MFSD6: variants seen among roughly 807,000 people sequenced by gnomAD.
MFSD6 encodes major facilitator superfamily domain-containing protein 6.
Under a neutral mutation model 56.3 loss-of-function variants are expected in MFSD6, and 26 were observed. The ratio of observed to expected loss-of-function variants is 0.46; its 90% CI spans 0.34 to 0.64. The LOEUF is 0.64. MFSD6 is among the 30% of genes least tolerant of loss of function. The pLI, the probability that MFSD6 is intolerant of heterozygous loss-of-function variation, is 0.01. For synonymous variants in MFSD6, 331 were observed against 366.9 expected (o/e 0.90, Z 1.12); for missense variants, 750 against 986.2 (o/e 0.76, Z 3.21).
chr2:190,499,797 T>C lies in MFSD6; in HGVS notation c.2173-218T>C, dbSNP rs1689928466. ...TCCTTTTTCCACAAGACACGTCTGC[T>C]TATAGTGTTTGTGTTTTTCATGCGG... On this transcript the variant is annotated intron_variant, in intron 7 of 7. Transcript: ENST00000392328. This position sits in a 1 kb window ranked among gnomAD's most constrained non-coding sequence, Gnocchi z 6.0. 2 of 1,516,748 alleles carry C rather than the reference T, an allele frequency of 1.3e-6. No homozygotes were observed. The highest frequency in any genetic ancestry group is 1.8e-6 in the Non-Finnish European group (2 of 1,125,456). 94.0% of individuals were successfully genotyped at this position (1,516,748 alleles called of 1,614,324 possible).
chr2:190,477,517 C>A, intron 4 of MFSD6: 1 of 231,518 alleles, frequency 4.3e-6, no homozygotes. Flanking sequence ...ATCCATGAAA[C>A]GGTTAAAGAA....
rs1689449195 is a variant in MFSD6, at chr2:190,492,991, G to C, written c.1891+3125G>C. ...TTAAAAAAAAAAGCAAGGTATATAG[G>C]CAACAAATAACACAATGATTGGAAT... On this transcript the variant is annotated intron_variant, in intron 6 of 7. Coordinates refer to ENST00000392328, the MANE Select transcript of MFSD6 (RefSeq NM_017694.4). The surrounding 1 kb of genome is among the most constrained non-coding windows in gnomAD (Gnocchi z 5.2). Among the ~76,000 whole-genome samples the C allele has an allele frequency of 6.6e-6, 1 of 151,640 alleles. No homozygotes were observed. Among genetic ancestry groups the C allele is most frequent in the African/African-American group, 2.4e-5 (1 of 41,254 alleles).
chr2:190,455,400 A>T (rs1321701131), intron 3 of MFSD6, among the ~76,000 whole-genome samples: 4 of 152,168 alleles, frequency 2.6e-5, no homozygotes, highest in Admixed American at 6.5e-5. Context: ...GAAAGAAAGC[A>T]CCTTCTAAAT....
rs750540997 is a variant in MFSD6 at position 190,437,249 on chromosome 2, A to C, written c.1220A>C (p.Glu407Ala). 6.2e-7 allele frequency: 1 copy of C among 1,614,118 alleles called. No individual in the cohort carries two copies. The highest frequency in any genetic ancestry group is 1.3e-5 in the African/African-American group (1 of 74,932). ...GATGATTCTAAAGGGAAAGAGGTGG[A>C]GATCCCGCAGGTGGAAAGGAACAAC... ...KNDDSKGKEV[E>A]IPQVERNNST... Residue 407 changes from glutamate (E) to alanine (A), a missense_variant, in exon 3 of 8, where the codon GAG becomes GCG. By Grantham distance (107) the Glu-to-Ala change is moderately radical. Coordinates refer to ENST00000392328, the MANE Select transcript of MFSD6 (RefSeq NM_017694.4). The surrounding 1 kb of genome is among the most constrained non-coding windows in gnomAD (Gnocchi z 5.9).
At chr2:190,478,263 A>G (rs1688456936) in intron 4 of MFSD6, among the ~76,000 whole-genome samples, 1 of 152,166 alleles carries the variant, frequency 6.6e-6, no homozygotes, top group Non-Finnish European at 1.5e-5. Context: ...CTGTAAATAC[A>G]GCCTCCTAGT....
At position 190,437,766 on chromosome 2, in the gene MFSD6, A is replaced by G. The variant is rs1686228026; in HGVS notation, c.1532+205A>G. ...GAACCTGGTTGGATTATCTCAAATAAACAAAGAATGGCTTCCTCTGCTCTC... is the reference window on the plus strand; with the variant it reads ...GAACCTGGTTGGATTATCTCAAATAGACAAAGAATGGCTTCCTCTGCTCTC... On this transcript the variant is annotated intron_variant, in intron 3 of 7. Transcript: ENST00000392328. The surrounding 1 kb of genome is among the most constrained non-coding windows in gnomAD (Gnocchi z 5.9). 6.6e-6 allele frequency among the ~76,000 whole-genome samples: 1 copy of G among 152,192 alleles called. No individual in the cohort carries two copies. The highest frequency in any genetic ancestry group is 6.5e-5 in the Admixed American group (1 of 15,274).
chr2:190,490,263 T>TA lies in MFSD6; in HGVS notation c.1891+411dup, dbSNP rs141689643. The stretch of plus-strand genomic sequence containing the variant: ...TTCTCTATGACTTACCTTCATTTGT[T>TA]AAAAAAAAAAAAAACAATGGCCGGG... On this transcript the variant is annotated intron_variant, in intron 6 of 7. Transcript: ENST00000392328. The surrounding 1 kb of genome is among the most constrained non-coding windows in gnomAD (Gnocchi z 4.5). Among the ~76,000 whole-genome samples the TA allele has an allele frequency of 3.7e-3, 538 of 144,016 alleles. 4 individuals carry two copies. Among genetic ancestry groups the TA allele is most frequent in the East Asian group, 0.01 (51 of 4,930 alleles). 94.5% of individuals were successfully genotyped at this position (144,016 alleles called of 152,430 possible).
chr2:190,471,477 G>A lies in MFSD6; in HGVS notation c.1630+1622G>A, dbSNP rs778190968. On this transcript the variant is annotated intron_variant, in intron 4 of 7. Transcript: ENST00000392328. This position sits in a 1 kb window ranked among gnomAD's most constrained non-coding sequence, Gnocchi z 4.7. ...CTGGCTTGGAGGGTCCTACGCCCAC[G>A]GAGCCTCCCTCATTGCTAGCACAGC... is the stretch of plus-strand genomic sequence containing the variant. Among the ~76,000 whole-genome samples the A allele has an allele frequency of 2.0e-5, 3 of 152,176 alleles. No individual in the cohort carries two copies. Among genetic ancestry groups the A allele is most frequent in the Admixed American group, 2.0e-4 (3 of 15,274 alleles).
rs1016207482 is a variant in MFSD6, at chr2:190,498,611, A to G, written c.2172+892A>G. On this transcript the variant is annotated intron_variant, in intron 7 of 7. Coordinates refer to ENST00000392328, the MANE Select transcript of MFSD6 (RefSeq NM_017694.4). This position sits in a 1 kb window ranked among gnomAD's most constrained non-coding sequence, Gnocchi z 5.9. ...AGTCCATGCATGATCCTATTTATTA[A>G]TTTATCAAGATAATAAACTCACATC... Among the ~76,000 whole-genome samples, 4 of 152,054 alleles carry G rather than the reference A, an allele frequency of 2.6e-5. No homozygotes were observed. The highest frequency in any genetic ancestry group is 5.9e-5 in the Non-Finnish European group (4 of 68,030).
chr2:190,419,267 C>T (rs1315527293), intron 2 of MFSD6, among the ~76,000 whole-genome samples: 2 of 152,192 alleles, frequency 1.3e-5, no homozygotes, highest in Admixed American at 1.3e-4. Context: ...TAGATTCTAA[C>T]GCTCTTTTAC....
chr2:190,500,765 A>G lies in MFSD6; in HGVS notation c.*547A>G, dbSNP rs1019885560. 3 of 152,906 alleles carry G rather than the reference A, an allele frequency of 2.0e-5. No homozygotes were observed. The highest frequency in any genetic ancestry group is 4.4e-5 in the Non-Finnish European group (3 of 68,588). 9.5% of individuals were successfully genotyped at this position (152,906 alleles called of 1,614,324 possible). A position where few individuals can be genotyped will look rare whatever the true frequency, so the allele number is the denominator to read the frequency against. On this transcript the variant is annotated 3_prime_UTR_variant, in exon 8 of 8. Coordinates refer to ENST00000392328, the MANE Select transcript of MFSD6 (RefSeq NM_017694.4). The surrounding 1 kb of genome is among the most constrained non-coding windows in gnomAD (Gnocchi z 5.3). ...TTTGTTAAAAATAAAGTTAAAAGTT[A>G]AAGTTAAAAAATGAAGTTAAAAGTT...
rs1201593542 is a variant in MFSD6, at chr2:190,501,050, C to T, written c.*832C>T. 6.6e-6 allele frequency: 1 copy of T among 152,164 alleles called. No individual in the cohort carries two copies. The highest frequency in any genetic ancestry group is 2.4e-5 in the African/African-American group (1 of 41,454). The allele number at this position is 152,164 out of a possible 1,614,324, so 9.4% of individuals were successfully genotyped here. A position where few individuals can be genotyped will look rare whatever the true frequency, so the allele number is the denominator to read the frequency against. Reference sequence around the variant, plus strand: ...TATTGATACTGTAAATAGCCTCTCTCGCTATTTACTATCTTATAGTAATTC... The same window carrying T: ...TATTGATACTGTAAATAGCCTCTCTTGCTATTTACTATCTTATAGTAATTC... On this transcript the variant is annotated 3_prime_UTR_variant, in exon 8 of 8. Transcript: ENST00000392328.
intron 4 of MFSD6, among the ~76,000 whole-genome samples, chr2:190,473,746 C>A (rs965857711): frequency 6.6e-6 from 1 of 152,204 alleles, no homozygotes; most frequent in East Asian, 1.9e-4. Flanking sequence ...GAACTCTCCA[C>A]CCCAAATCAA....
At position 190,454,139 on chromosome 2, in the gene MFSD6, T is replaced by A. The variant is rs1446970951; in HGVS notation, c.1533-15619T>A. On this transcript the variant is annotated intron_variant, in intron 3 of 7. Transcript: ENST00000392328. The surrounding 1 kb of genome is among the most constrained non-coding windows in gnomAD (Gnocchi z 4.6). ...TGTTACAGTAATCTTAGAAAACAGT[T>A]GTTTTATTACATCCATTTTACAATG... 1 of 152,186 alleles carries A rather than the reference T, an allele frequency of 6.6e-6. No homozygotes were observed. The allele number at this position is 152,186 out of a possible 1,614,324, so 9.4% of individuals were successfully genotyped here. A position where few individuals can be genotyped will look rare whatever the true frequency, so the allele number is the denominator to read the frequency against.
chr2:190,502,227 A>C lies in MFSD6; in HGVS notation c.*2009A>C, dbSNP rs1690057713. The stretch of plus-strand genomic sequence containing the variant: ...TCCAGCCTTGTGAGCTGACACCTTC[A>C]TGGGTTTGTGGACTTTGTGACTTTT... On this transcript the variant is annotated 3_prime_UTR_variant, in exon 8 of 8. Transcript: ENST00000392328. The surrounding 1 kb of genome is among the most constrained non-coding windows in gnomAD (Gnocchi z 4.4). 1 of 152,116 alleles carries C rather than the reference A, an allele frequency of 6.6e-6. No homozygotes were observed. Among genetic ancestry groups the C allele is most frequent in the Admixed American group, 6.5e-5 (1 of 15,268 alleles). The allele number at this position is 152,116 out of a possible 1,614,324, so 9.4% of individuals were successfully genotyped here.
At position 190,496,092 on chromosome 2, in the gene MFSD6, C is replaced by T. The variant is rs774403129; in HGVS notation, c.1892-1347C>T. The stretch of plus-strand genomic sequence containing the variant: ...GGAGAAAATCTTCAGTCTATATATC[C>T]GACAAAGGACTAATATCCAGAATCT... On this transcript the variant is annotated intron_variant, in intron 6 of 7. Transcript: ENST00000392328. This position sits in a 1 kb window ranked among gnomAD's most constrained non-coding sequence, Gnocchi z 4.7. Among the ~76,000 whole-genome samples the T allele has an allele frequency of 3.3e-5, 5 of 151,448 alleles. No homozygotes were observed. Among genetic ancestry groups the T allele is most frequent in the Non-Finnish European group, 5.9e-5 (4 of 67,862 alleles).
At chr2:190,411,746 TAA>T in intron 1 of MFSD6, 1 of 985,406 alleles carries the variant, frequency 1.0e-6, no homozygotes, top group Non-Finnish European at 1.2e-6. Flanking sequence ...GGGCAAAGGG[TAA>T]AGAGTCTCAG....
In MFSD6 at chr2:190,459,787, C is replaced by T. The variant is rs1687227604; in HGVS notation, c.1533-9971C>T. On this transcript the variant is annotated intron_variant, in intron 3 of 7. Transcript: ENST00000392328. The surrounding 1 kb of genome is among the most constrained non-coding windows in gnomAD (Gnocchi z 5.3). ...GAATCTGAACACAACAAAATGATTT[C>T]CAGCTAGTAGAGACTCAGACCCAAA... is the stretch of plus-strand genomic sequence containing the variant. Among the ~76,000 whole-genome samples, 1 of 152,202 alleles carries T rather than the reference C, an allele frequency of 6.6e-6. No homozygotes were observed. The highest frequency in any genetic ancestry group is 1.5e-5 in the Non-Finnish European group (1 of 68,036).
intron 1 of MFSD6, among the ~76,000 whole-genome samples, chr2:190,409,955 A>C (rs1690487937): frequency 6.6e-6 from 1 of 152,208 alleles, no homozygotes; most frequent in African/African-American, 2.4e-5. Flanking sequence ...TGCTCTGGGG[A>C]AACAGGAGGA....
Sources: allele counts gnomAD v4.1 joint callset (sites outside exome capture counted in the v4.1 genomes callset), GRCh38; gene constraint gnomAD v4.1.1; non-coding constraint Gnocchi (gnomAD v3.1); transcripts MANE v1.5; gene names NCBI Gene and HGNC (gene_info 2026-07-23, HGNC 2026-07-21).